The following STRIP2 variants were observed in gnomAD, a reference collection of about 807,000 sequenced individuals.
STRIP2 encodes the protein striatin interacting protein 2, also known as striatin-interacting protein 2.
In STRIP2, 84 loss-of-function variants were observed where a neutral mutation model predicts 107.1. The observed-to-expected ratio is 0.78, with a 90% CI of 0.66 to 0.94. The LOEUF is 0.94. Among genes scored for constraint, STRIP2 ranks in the 40% least tolerant of loss-of-function variants. STRIP2 has a pLI of 0.00. For synonymous variants in STRIP2, 394 were observed against 400.4 expected, an observed-to-expected ratio of 0.98 and a Z score of 0.19; for missense variants, 888 against 1,034.2, an observed-to-expected ratio of 0.86 and a Z score of 1.94.
At chr7:129,477,444 T>C (rs1211666340) in intron 18 of STRIP2, among the ~76,000 whole-genome samples, 1 of 152,164 alleles carries the variant, frequency 6.6e-6, no homozygotes, top group Non-Finnish European at 1.5e-5. Flanking sequence ...AATTTTCCTG[T>C]TGGTCACTAT....
chr7:129,448,429 C>A (rs544173325), intron 3 of STRIP2, among the ~76,000 whole-genome samples: 1 of 152,288 alleles, frequency 6.6e-6, no homozygotes, highest in East Asian at 1.9e-4. Flanking sequence ...GTAGTGGGGT[C>A]CTTCCTCAAG....
intron 3 of STRIP2, among the ~76,000 whole-genome samples, chr7:129,449,529 G>C (rs546775461): frequency 1.3e-5 from 2 of 152,312 alleles, no homozygotes; most frequent in South Asian, 4.1e-4. Context: ...GGCAGCATGG[G>C]TCAGGGAGGA....
intron 18 of STRIP2, among the ~76,000 whole-genome samples, chr7:129,472,804 T>TTTG (rs1562914059): frequency 2.2e-5 from 3 of 136,696 alleles, no homozygotes; most frequent in Non-Finnish European, 4.7e-5. Flanking sequence ...TTTTTTTTTT[T>TTTG]GAGACAGAGT....
At chr7:129,466,701 G>A (rs910457289) in intron 16 of STRIP2, among the ~76,000 whole-genome samples, 1 of 152,246 alleles carries the variant, frequency 6.6e-6, no homozygotes, top group African/African-American at 2.4e-5. Context: ...CTGGTATTAA[G>A]CCTATCAAAG....
intron 3 of STRIP2, among the ~76,000 whole-genome samples, chr7:129,449,716 A>T (rs1798131183): frequency 6.6e-6 from 1 of 152,194 alleles, no homozygotes; most frequent in Non-Finnish European, 1.5e-5. Flanking sequence ...ACACCTGACA[A>T]GGCTGTAAAT....
intron 5 of STRIP2, 94 bp from the exon 6 acceptor site, chr7:129,454,048 A>C: frequency 8.7e-7 from 1 of 1,150,022 alleles, no homozygotes; most frequent in Non-Finnish European, 1.3e-6. Context: ...TAGCCAGGGA[A>C]TGGCAAGCAC....
chr7:129,450,055 A>G (rs1015691961), intron 3 of STRIP2, among the ~76,000 whole-genome samples: 2 of 152,238 alleles, frequency 1.3e-5, no homozygotes, highest in South Asian at 2.1e-4. Context: ...TTTATTTTGC[A>G]TAACTCTCTA....
intron 3 of STRIP2, among the ~76,000 whole-genome samples, chr7:129,445,465 C>T (rs953893483): frequency 1.3e-5 from 2 of 151,998 alleles, no homozygotes; most frequent in African/African-American, 2.4e-5. Flanking sequence ...GTCACGGGAA[C>T]AGGAAGCAAA....
At position 129,456,510 on chromosome 7, in the gene STRIP2, A is replaced by G. The variant is rs764872686; in HGVS notation, c.906A>G (p.Pro302=). 5 of 1,613,854 alleles carry G rather than the reference A, an allele frequency of 3.1e-6. No homozygotes were observed. In the Admixed American group the frequency reaches 5.0e-5, roughly 16 times the overall value. Residue 302 remains proline, a synonymous_variant, in exon 9 of 21, where the codon CCA becomes CCG. Coordinates refer to ENST00000249344, the MANE Select transcript of STRIP2 (RefSeq NM_020704.3). The part of the protein sequence containing the change: ...VQKRAELGLP[P]LAEDSIQVVK... ...AGCGGGCAGAATTGGGCCTGCCTCC[A>G]CTGGCTGAAGACAGTATCCAGGTGG...
intron 19 of STRIP2, 96 bp downstream of exon 19, chr7:129,480,985 C>T (rs1371585600): frequency 1.2e-5 from 10 of 835,698 alleles, no homozygotes; most frequent in African/African-American, 5.2e-5. Flanking sequence ...TTGTGATCTC[C>T]GTATATAGAC....
intron 2 of STRIP2, among the ~76,000 whole-genome samples, chr7:129,443,417 C>T (rs567052659): frequency 6.6e-6 from 1 of 152,296 alleles, no homozygotes; most frequent in South Asian, 2.1e-4. Context: ...GTTAGATTTT[C>T]CTGGGCACAG....
At chr7:129,447,647 T>C (rs1798072893) in intron 3 of STRIP2, among the ~76,000 whole-genome samples, 2 of 152,352 alleles carry the variant, frequency 1.3e-5, no homozygotes, top group South Asian at 4.1e-4. Flanking sequence ...TAAAGGTATA[T>C]TGCTGTCCCA....
At chr7:129,475,894 T>C (rs973227515) in intron 18 of STRIP2, among the ~76,000 whole-genome samples, 1 of 152,148 alleles carries the variant, frequency 6.6e-6, no homozygotes, top group Non-Finnish European at 1.5e-5. Flanking sequence ...AGGTCATAGA[T>C]CAACAGCATC....
rs1374062696 is a variant in STRIP2 at position 129,483,471 on chromosome 7, A to G, written c.2254+425A>G. Reference sequence around the variant, plus strand: ...CAGAAATTGCCACCATTAACATCTTATTGTATATTCCTCCAGATCTTTTTC... The same window carrying G: ...CAGAAATTGCCACCATTAACATCTTGTTGTATATTCCTCCAGATCTTTTTC... On this transcript the variant is annotated intron_variant, in intron 20 of 20. Coordinates refer to ENST00000249344, the MANE Select transcript of STRIP2 (RefSeq NM_020704.3). The surrounding 1 kb of genome is among the most constrained non-coding windows in gnomAD (Gnocchi z 5.1). 1 of 333,824 alleles carries G rather than the reference A, an allele frequency of 3.0e-6. No homozygotes were observed. Among genetic ancestry groups the G allele is most frequent in the Admixed American group, 5.9e-5 (1 of 17,060 alleles). The allele number at this position is 333,824 out of a possible 1,614,324, so 20.7% of individuals were successfully genotyped here.
chr7:129,451,659 C>T lies in STRIP2; in HGVS notation c.321C>T (p.Ala107=). The T allele has an allele frequency of 1.9e-6, 3 of 1,614,106 alleles. No individual in the cohort carries two copies. The highest frequency in any genetic ancestry group is 2.5e-6 in the Non-Finnish European group (3 of 1,180,026). The change falls in exon 4 of 21, where the codon GCC becomes GCT. Residue 107 remains alanine, a synonymous_variant. Coordinates refer to ENST00000249344, the MANE Select transcript of STRIP2 (RefSeq NM_020704.3). ...WLELEEDAQK[A]YIMGLLDRLE... is the part of the protein sequence containing the mutation. ...AGTTGGAAGAAGATGCCCAAAAGGC[C>T]TATATAATGGGACTCTTGGACCGGC...
At chr7:129,481,974 C>T (rs1799128170) in intron 19 of STRIP2, among the ~76,000 whole-genome samples, 1 of 151,812 alleles carries the variant, frequency 6.6e-6, no homozygotes, top group South Asian at 2.1e-4. Flanking sequence ...TTGAGACCAG[C>T]CTGACCAACA....
At chr7:129,480,480 T>C (rs765162701) in intron 18 of STRIP2, among the ~76,000 whole-genome samples, 2 of 152,198 alleles carry the variant, frequency 1.3e-5, no homozygotes, top group Non-Finnish European at 2.9e-5. Context: ...TAAAATTCTC[T>C]CATCTCTTTT....
intron 18 of STRIP2, among the ~76,000 whole-genome samples, chr7:129,477,193 A>AGG (rs1562917326): frequency 8.5e-5 from 2 of 23,530 alleles, no homozygotes; most frequent in Non-Finnish European, 1.5e-4. Context: ...CCGTGGGGAG[A>AGG]GGGAGGGGGA....
At chr7:129,450,335 AG>A (rs1241149970) in intron 3 of STRIP2, among the ~76,000 whole-genome samples, 6 of 152,140 alleles carry the variant, frequency 3.9e-5, no homozygotes, top group Admixed American at 3.9e-4. Context: ...CTTCTTGCTT[AG>A]GGGATACAGG....
Sources: gnomAD v4.1 joint callset for allele counts (sites outside exome capture counted in the v4.1 genomes callset) on GRCh38, gnomAD v4.1.1 for gene constraint, Gnocchi (gnomAD v3.1) non-coding constraint, MANE v1.5 for transcripts, NCBI Gene and HGNC (gene_info 2026-07-23, HGNC 2026-07-21) for gene names.